ACTR3B: variants seen among roughly 807,000 people sequenced by gnomAD.
ACTR3B encodes actin related protein 3B, also known as actin-related protein 3B.
A neutral mutation model predicts 59.0 loss-of-function variants in ACTR3B; 8 were observed. That is an observed-to-expected ratio of 0.14 (90% CI 0.08 to 0.24). The LOEUF is 0.24. Ranked by LOEUF, ACTR3B falls within the 10% of genes least tolerant of loss-of-function variation. ACTR3B has a pLI of 1.00. For synonymous variants in ACTR3B, 148 were observed against 197.9 expected, an observed-to-expected ratio of 0.75 and a Z score of 2.12; for missense variants, 245 against 552.3, an observed-to-expected ratio of 0.44 and a Z score of 5.58.
chr7:152,848,184 G>A (rs1309896364), intron 9 of ACTR3B, among the ~76,000 whole-genome samples: 1 of 152,210 alleles, frequency 6.6e-6, no homozygotes, highest in African/African-American at 2.4e-5. Flanking sequence ...CCGCGTCTTC[G>A]ACAGTCGTCT....
chr7:152,812,939 C>T (rs1195442000), intron 4 of ACTR3B: 15 of 70,732 alleles, frequency 2.1e-4, no homozygotes, highest in African/African-American at 7.1e-4. Flanking sequence ...GTCGAGGTGC[C>T]GTCGGGGTTG....
chr7:152,852,279 C>CCTGGGGCAA, intron 10 of ACTR3B, 28 bp downstream of exon 10: 1 of 1,582,118 alleles, frequency 6.3e-7, no homozygotes, highest in Non-Finnish European at 8.5e-7. Context: ...CCACGCAGTG[C>CCTGGGGCAA]CTGGGGCTAT....
chr7:152,797,643 T>C lies in ACTR3B; in HGVS notation c.101-2888T>C, dbSNP rs545615565. Reference sequence around the variant, plus strand: ...TTGTAATTTATTTCTCCTATCTAACTGTAGTTACGTATTTTTTGACCAACA... The same window carrying C: ...TTGTAATTTATTTCTCCTATCTAACCGTAGTTACGTATTTTTTGACCAACA... On this transcript the variant is annotated intron_variant, in intron 2 of 11. Transcript: ENST00000256001. 2.8e-3 allele frequency among the ~76,000 whole-genome samples: 427 copies of C among 152,306 alleles called. 2 individuals carry two copies. Among genetic ancestry groups the C allele is most frequent in the African/African-American group, 9.8e-3 (406 of 41,566 alleles).
Position 152,814,536 on chromosome 7 carries a change from A to G in ACTR3B, c.337-14A>G, listed in dbSNP as rs191201694. 67 of 1,561,656 alleles carry G rather than the reference A, an allele frequency of 4.3e-5. No individual in the cohort carries two copies. In the Middle Eastern group the frequency reaches 1.2e-3, roughly 27 times the overall value. The stretch of plus-strand genomic sequence containing the variant: ...TTCGGGTAAACACTAAATATAGTGA[A>G]TGTTTTCTTACAGACAGAACCTCCA... On this transcript the variant is annotated splice_polypyrimidine_tract_variant and intron_variant, in intron 4 of 11. Coordinates refer to ENST00000256001, the MANE Select transcript of ACTR3B (RefSeq NM_020445.6).
At chr7:152,833,002 G>GTCTT (rs1223476082) in intron 9 of ACTR3B, among the ~76,000 whole-genome samples, 4 of 152,188 alleles carry the variant, frequency 2.6e-5, no homozygotes, top group Non-Finnish European at 5.9e-5. Flanking sequence ...AAGTCAAGAA[G>GTCTT]GAGTCGCCTG....
At chr7:152,760,951 G>A (rs2098087532) in intron 1 of ACTR3B, among the ~76,000 whole-genome samples, 1 of 152,226 alleles carries the variant, frequency 6.6e-6, no homozygotes, top group African/African-American at 2.4e-5. Flanking sequence ...AATGTAACAT[G>A]GCATGTTCAC....
At chr7:152,783,771 T>TC (rs1311266491) in intron 2 of ACTR3B, among the ~76,000 whole-genome samples, 1 of 151,836 alleles carries the variant, frequency 6.6e-6, no homozygotes, top group East Asian at 1.9e-4. Context: ...GTAGGAGTCT[T>TC]CCCGAGGTTA....
At chr7:152,831,543 C>A (rs980650851) in intron 9 of ACTR3B, among the ~76,000 whole-genome samples, 1 of 152,238 alleles carries the variant, frequency 6.6e-6, no homozygotes, top group African/African-American at 2.4e-5. Context: ...GCGTTTTAAA[C>A]TTTAACTATT....
chr7:152,828,482 C>T (rs911350275), intron 9 of ACTR3B, among the ~76,000 whole-genome samples: 1 of 152,170 alleles, frequency 6.6e-6, no homozygotes, highest in African/African-American at 2.4e-5. Flanking sequence ...TCTGTAACTC[C>T]TGCTCCTTAG....
chr7:152,763,217 G>A (rs1315536318), intron 1 of ACTR3B, among the ~76,000 whole-genome samples: 1 of 146,862 alleles, frequency 6.8e-6, no homozygotes, highest in African/African-American at 2.5e-5. Context: ...TTTGGAGGCT[G>A]CTCAGGAGAA....
intron 1 of ACTR3B, among the ~76,000 whole-genome samples, chr7:152,779,014 C>G (rs11773409): frequency 0.38 from 50,254 of 133,194 alleles, 9,405 homozygotes; most frequent in Non-Finnish European, 0.48. Flanking sequence ...TTCTGAACTT[C>G]TGACCAGTAT....
chr7:152,760,039 G>A (rs962540533), intron 1 of ACTR3B, 113 bp downstream of exon 1: 7 of 1,001,252 alleles, frequency 7.0e-6, no homozygotes, highest in Non-Finnish European at 9.0e-6. Context: ...TGAGCCCCGC[G>A]ATCACCTGGG....
intron 6 of ACTR3B, among the ~76,000 whole-genome samples, chr7:152,817,380 CAAAAA>C (rs879520784): frequency 7.8e-6 from 1 of 128,218 alleles, no homozygotes; most frequent in African/African-American, 2.9e-5. Flanking sequence ...AACTCCGTCT[CAAAAA>C]AAAAAAAAAT....
At chr7:152,774,625 G>A (rs1240665778) in intron 1 of ACTR3B, among the ~76,000 whole-genome samples, 1 of 151,950 alleles carries the variant, frequency 6.6e-6, no homozygotes, top group Non-Finnish European at 1.5e-5. Context: ...ATCCACAAAA[G>A]GGCAGTGTGC....
chr7:152,854,492 A>G lies in ACTR3B; in HGVS notation c.1196A>G (p.Asp399Gly), dbSNP rs142432414. The change falls in exon 12 of 12, where the codon GAC becomes GGC. Residue 399 changes from aspartate (D) to glycine (G), a missense_variant. Physicochemically the swap from Asp to Gly is moderately conservative, Grantham distance 94. Around this residue, in one of 7 missense-constraint regions of ACTR3B, gnomAD observed 153 missense variants for 266.2 expected, o/e 0.57. Coordinates refer to ENST00000256001, the MANE Select transcript of ACTR3B (RefSeq NM_020445.6). The surrounding 1 kb of genome is among the most constrained non-coding windows in gnomAD (Gnocchi z 4.9). ...TTTCAGGTCTGCCACACCAAGAAGG[A>G]CTATGAAGAGTACGGGCCCAGCATC... Reference protein sequence around the residue: ...EFFQVCHTKKDYEEYGPSICR... With the variant: ...EFFQVCHTKKGYEEYGPSICR... 13 of 1,613,874 alleles carry G rather than the reference A, an allele frequency of 8.1e-6. No homozygotes were observed. Among genetic ancestry groups the G allele is most frequent in the South Asian group, 1.1e-5 (1 of 91,068 alleles).
intron 2 of ACTR3B, among the ~76,000 whole-genome samples, chr7:152,793,013 A>C (rs2310887): frequency 7.7e-6 from 1 of 129,776 alleles, no homozygotes; most frequent in South Asian, 2.4e-4. Context: ...AAATGTCCTT[A>C]GAAGCTGAAT....
In ACTR3B at chr7:152,770,683, T is replaced by C. The variant is rs552420278; in HGVS notation, c.44+10757T>C. Among the ~76,000 whole-genome samples the C allele has an allele frequency of 5.2e-3, 790 of 151,380 alleles. 7 individuals are homozygous for C. The highest frequency in any genetic ancestry group is 0.018 in the African/African-American group (744 of 41,116). On this transcript the variant is annotated intron_variant, in intron 1 of 11. Coordinates refer to ENST00000256001, the MANE Select transcript of ACTR3B (RefSeq NM_020445.6). ...GAATTAGTGGGAAAGTATACCCAAG[T>C]TCAGGCTCTGATTGCTCACTGTTCA...
chr7:152,780,625 G>T (rs952965773), intron 1 of ACTR3B, among the ~76,000 whole-genome samples: 1 of 151,510 alleles, frequency 6.6e-6, no homozygotes, highest in Non-Finnish European at 1.5e-5. Flanking sequence ...TCCTGCTGTG[G>T]GCCATAGTTA....
intron 1 of ACTR3B, among the ~76,000 whole-genome samples, chr7:152,774,021 T>G (rs749144891): frequency 5.2e-4 from 79 of 152,228 alleles, no homozygotes; most frequent in Non-Finnish European, 1.8e-4. Flanking sequence ...CCTGCTGTCT[T>G]TCTTATATCT....
Sources: gnomAD v4.1 joint callset for allele counts (sites outside exome capture counted in the v4.1 genomes callset) on GRCh38, gnomAD v4.1.1 for gene constraint, gnomAD v4.1.1 regional missense constraint, Gnocchi (gnomAD v3.1) non-coding constraint, MANE v1.5 for transcripts, NCBI Gene and HGNC (gene_info 2026-07-23, HGNC 2026-07-21) for gene names.